The following NAV2 variants were observed in gnomAD, a reference collection of about 807,000 sequenced individuals.
NAV2 encodes neuron navigator 2, also known as helicase, APC down-regulated 1.
A neutral mutation model predicts 223.2 loss-of-function variants in NAV2; 54 were observed. That is an observed-to-expected ratio of 0.24 (90% CI 0.19 to 0.30). The LOEUF (loss-of-function observed/expected upper bound fraction) is 0.30, where lower values mean the gene tolerates loss of function less well. Ranked by LOEUF, NAV2 falls within the 10% of genes least tolerant of loss-of-function variation. NAV2 has a pLI of 1.00. For synonymous variants in NAV2, 1,279 were observed against 1,239.3 expected (o/e 1.03, Z -0.67); for missense variants, 2,806 against 3,147.5 (o/e 0.89, Z 2.60).
chr11:19,761,477 T>G (rs902276847), intron 1 of NAV2, among the ~76,000 whole-genome samples: 3 of 152,180 alleles, frequency 2.0e-5, no homozygotes, highest in Non-Finnish European at 4.4e-5. Context: ...GGCAGCAGCA[T>G]GAAAACTGAA....
chr11:19,855,210 C>T (rs1415252527), intron 3 of NAV2, among the ~76,000 whole-genome samples: 1 of 152,094 alleles, frequency 6.6e-6, no homozygotes, highest in Non-Finnish European at 1.5e-5. Flanking sequence ...CTTCAGGTTT[C>T]ATAAGAATGC....
intron 10 of NAV2, among the ~76,000 whole-genome samples, chr11:19,950,130 A>G (rs2047263935): frequency 6.6e-6 from 1 of 152,248 alleles, no homozygotes; most frequent in Non-Finnish European, 1.5e-5. Context: ...GTTCTCCAAG[A>G]TCTTTTCCAC....
chr11:19,391,907 G>A (rs531171882), intron 1 of NAV2, among the ~76,000 whole-genome samples: 1 of 152,242 alleles, frequency 6.6e-6, no homozygotes, highest in Admixed American at 6.5e-5. Context: ...GGATTAACCA[G>A]CTCTCCTGTA....
chr11:20,078,433 T>A (rs1194722737), intron 24 of NAV2, among the ~76,000 whole-genome samples: 1 of 152,258 alleles, frequency 6.6e-6, no homozygotes, highest in East Asian at 1.9e-4. Context: ...TAAGCTGAAC[T>A]GAGTTCCTCC....
chr11:19,536,841 A>G lies in NAV2; in HGVS notation c.75+185814A>G, dbSNP rs2044204288. Among the ~76,000 whole-genome samples the G allele has an allele frequency of 2.0e-5, 3 of 152,200 alleles. No homozygotes were observed. In the South Asian group the frequency reaches 6.2e-4, roughly 31 times the overall value. ...CTGGGAGCCATTCTTACCATTCCCA[A>G]AAGCCCAGCTGGTATATTCTACTTG... On this transcript the variant is annotated intron_variant, in intron 1 of 37. Coordinates refer to the NAV2 transcript ENST00000360655.
At chr11:19,526,602 G>C (rs2043850253) in intron 1 of NAV2, among the ~76,000 whole-genome samples, 1 of 152,016 alleles carries the variant, frequency 6.6e-6, no homozygotes, top group Admixed American at 6.6e-5. Flanking sequence ...TTACTTGCCT[G>C]GTGTGCTTGT....
intron 10 of NAV2, among the ~76,000 whole-genome samples, chr11:19,953,794 T>G (rs1591399181): frequency 6.6e-6 from 1 of 152,014 alleles, no homozygotes; most frequent in East Asian, 1.9e-4. Context: ...CTTTGAATAT[T>G]AGAGATAGAG....
intron 10 of NAV2, among the ~76,000 whole-genome samples, chr11:19,974,694 C>T (rs2049555815): frequency 6.6e-6 from 1 of 152,040 alleles, no homozygotes; most frequent in Non-Finnish European, 1.5e-5. Context: ...CGGGAGGATC[C>T]CTTGAGCCCA....
At chr11:20,076,364 A>C (rs887564146) in intron 22 of NAV2, among the ~76,000 whole-genome samples, 4 of 152,336 alleles carry the variant, frequency 2.6e-5, no homozygotes, top group Admixed American at 2.6e-4. Flanking sequence ...GTGTGGATAC[A>C]GTAAGGAGCA....
At position 19,419,896 on chromosome 11, in the gene NAV2, C is replaced by T. The variant is rs370069184; in HGVS notation, c.75+68869C>T. ...GTAAGCTCTTGAGAATAATTCCTTC[C>T]TTGCCTGCCTTTGGCAGTTTGCTGT... On this transcript the variant is annotated intron_variant, in intron 1 of 37. Coordinates refer to the NAV2 transcript ENST00000360655. 2.6e-5 allele frequency among the ~76,000 whole-genome samples: 4 copies of T among 152,314 alleles called. No individual in the cohort carries two copies. In the South Asian group the frequency reaches 6.2e-4, roughly 24 times the overall value.
At chr11:19,500,952 C>T (rs922453476) in intron 1 of NAV2, among the ~76,000 whole-genome samples, 6 of 152,168 alleles carry the variant, frequency 3.9e-5, no homozygotes, top group South Asian at 2.1e-4. Context: ...AGTCTGACAG[C>T]GTCTCACTGG....
chr11:19,952,536 C>G (rs947537499), intron 10 of NAV2, among the ~76,000 whole-genome samples: 1 of 152,196 alleles, frequency 6.6e-6, no homozygotes, highest in Admixed American at 6.5e-5. Flanking sequence ...GAAATGTAGC[C>G]TTGATGTATG....
At chr11:19,360,858 A>G (rs1853896299) in intron 1 of NAV2, among the ~76,000 whole-genome samples, 2 of 152,194 alleles carry the variant, frequency 1.3e-5, no homozygotes. Context: ...GCTCAGTCCA[A>G]TGGAGCAAAC....
At chr11:20,095,618 T>C in intron 29 of NAV2, 54 bp from the exon 30 acceptor site, 1 of 1,303,312 alleles carries the variant, frequency 7.7e-7, no homozygotes, top group Non-Finnish European at 1.1e-6. Context: ...TCTGCTGAAC[T>C]GAGTCAGAAA....
intron 1 of NAV2, among the ~76,000 whole-genome samples, chr11:19,359,889 T>C (rs1676918906): frequency 6.6e-6 from 1 of 152,130 alleles, no homozygotes; most frequent in South Asian, 2.1e-4. Flanking sequence ...ATACTCTTCC[T>C]CCACTGCTTC....
chr11:19,527,585 T>A (rs1200644143), intron 1 of NAV2, among the ~76,000 whole-genome samples: 1 of 151,982 alleles, frequency 6.6e-6, no homozygotes, highest in African/African-American at 2.4e-5. Context: ...TGAAACTGCT[T>A]TTCCTAGCCT....
chr11:19,847,780 T>C (rs1031470468), intron 3 of NAV2, among the ~76,000 whole-genome samples: 2 of 152,228 alleles, frequency 1.3e-5, no homozygotes, highest in East Asian at 1.9e-4. Context: ...AAATACAGCA[T>C]GTCCCCTTAG....
At chr11:19,428,315 G>A (rs1850914544) in intron 1 of NAV2, among the ~76,000 whole-genome samples, 2 of 152,164 alleles carry the variant, frequency 1.3e-5, no homozygotes, top group South Asian at 4.1e-4. Context: ...CTTGGAAGGG[G>A]TAGCCTAGTG....
At chr11:19,910,615 T>A (rs1252629840) in intron 6 of NAV2, among the ~76,000 whole-genome samples, 1 of 152,170 alleles carries the variant, frequency 6.6e-6, no homozygotes, top group Non-Finnish European at 1.5e-5. Flanking sequence ...TCCTAGCACT[T>A]TGGGAGGCCG....
Sources: allele counts gnomAD v4.1 joint callset (sites outside exome capture counted in the v4.1 genomes callset), GRCh38; gene constraint gnomAD v4.1.1; transcripts MANE v1.5; gene names NCBI Gene and HGNC (gene_info 2026-07-23, HGNC 2026-07-21).